SGCG: variants seen among roughly 807,000 people sequenced by gnomAD.
The protein encoded by SGCG is gamma-sarcoglycan.
SGCG carries 26 observed loss-of-function variants against 29.3 expected under a neutral mutation model. The ratio of observed to expected loss-of-function variants is 0.89; its 90% CI spans 0.65 to 1.23. The LOEUF (loss-of-function observed/expected upper bound fraction) is 1.23, where lower values mean the gene tolerates loss of function less well. Ranked by LOEUF, SGCG falls within the 50% of genes most tolerant of loss-of-function variation. SGCG has a pLI of 0.00. For missense variants in SGCG, 353 were observed against 356.0 expected (o/e 0.99, Z 0.07); for synonymous variants, 145 against 129.7 (o/e 1.12, Z -0.80).
At chr13:23,294,741 G>A (rs10467596) in intron 5 of SGCG, among the ~76,000 whole-genome samples, 59,281 of 152,084 alleles carry the variant, frequency 0.39, 12,440 homozygotes, top group Non-Finnish European at 0.46. Context: ...CTCTAGGCAC[G>A]TTAATTAACC....
At position 23,324,901 on chromosome 13, in the gene SGCG, G is replaced by A. The variant is rs1883181238; in HGVS notation, c.*360G>A. On this transcript the variant is annotated 3_prime_UTR_variant, in exon 8 of 8. Transcript: ENST00000218867. ...GAGTTAATGTATGACGCTCCACTGT[G>A]GATATCTAATGCCCTGTTGAGAGTA... 2 of 358,550 alleles carry A rather than the reference G, an allele frequency of 5.6e-6. No homozygotes were observed. Among genetic ancestry groups the A allele is most frequent in the South Asian group, 4.3e-5 (2 of 46,058 alleles). The allele number at this position is 358,550 out of a possible 1,614,324, so 22.2% of individuals were successfully genotyped here.
At chr13:23,258,603 A>G (rs1263560082) in intron 4 of SGCG, among the ~76,000 whole-genome samples, 1 of 152,170 alleles carries the variant, frequency 6.6e-6, no homozygotes, top group Non-Finnish European at 1.5e-5. Flanking sequence ...GAGTGGTGAG[A>G]GAGGGCATCC....
At chr13:23,294,474 A>G (rs1016987691) in intron 5 of SGCG, among the ~76,000 whole-genome samples, 1 of 152,108 alleles carries the variant, frequency 6.6e-6, no homozygotes, top group Admixed American at 6.6e-5. Flanking sequence ...CTCAATCTCC[A>G]TATGTTCATA....
chr13:23,220,811 GAGTT>G (rs1205377426), intron 2 of SGCG, among the ~76,000 whole-genome samples: 10 of 152,162 alleles, frequency 6.6e-5, no homozygotes, highest in African/African-American at 2.4e-4. Flanking sequence ...AAAGGGGAGT[GAGTT>G]AGTCTCTTTG....
At chr13:23,240,839 C>T (rs1000139271) in intron 3 of SGCG, among the ~76,000 whole-genome samples, 6 of 152,098 alleles carry the variant, frequency 3.9e-5, no homozygotes, top group Admixed American at 3.9e-4. Context: ...AAATTTATGG[C>T]ATTAAATGCC....
rs142470459 is a variant in SGCG at position 23,238,708 on chromosome 13, G to A, written c.297+3996G>A. 6.4e-4 allele frequency among the ~76,000 whole-genome samples: 97 copies of A among 152,228 alleles called. 1 individual carries two copies. Among genetic ancestry groups the A allele is most frequent in the African/African-American group, 1.8e-3 (73 of 41,524 alleles). ...TACATTTCATCTGTGCACAAAAGTC[G>A]AGGAAAGCATAATCATGTTAAGGAG... On this transcript the variant is annotated intron_variant, in intron 3 of 7. Transcript: ENST00000218867.
At chr13:23,228,873 CTTTA>C (rs773788054) in intron 2 of SGCG, among the ~76,000 whole-genome samples, 2 of 152,088 alleles carry the variant, frequency 1.3e-5, no homozygotes, top group Admixed American at 6.5e-5. Flanking sequence ...TCTACTGTTT[CTTTA>C]TTTGTTTGTT....
At chr13:23,320,818 C>T in intron 7 of SGCG, 58 bp downstream of exon 7, 1 of 1,540,958 alleles carries the variant, frequency 6.5e-7, no homozygotes, top group Non-Finnish European at 9.0e-7. Flanking sequence ...TCCTGAGTAC[C>T]ATGTCTGTAA....
At chr13:23,191,891 A>T (rs11618905) in intron 1 of SGCG, among the ~76,000 whole-genome samples, 27,935 of 152,162 alleles carry the variant, frequency 0.18, 3,122 homozygotes, top group East Asian at 0.49. Flanking sequence ...AGATGTAAAA[A>T]GAGGGAAGTG....
chr13:23,304,902 T>C (rs1882306307), intron 6 of SGCG, among the ~76,000 whole-genome samples: 1 of 152,222 alleles, frequency 6.6e-6, no homozygotes, highest in Admixed American at 6.5e-5. Context: ...GTGCTGGGAT[T>C]ACAGAGAAGA....
At chr13:23,194,599 G>C (rs1328574237) in intron 1 of SGCG, among the ~76,000 whole-genome samples, 1 of 152,152 alleles carries the variant, frequency 6.6e-6, no homozygotes, top group Non-Finnish European at 1.5e-5. Flanking sequence ...TGATAGCAGA[G>C]GCCAGCTTCT....
intron 6 of SGCG, among the ~76,000 whole-genome samples, chr13:23,298,596 A>G (rs926607021): frequency 6.6e-6 from 1 of 152,222 alleles, no homozygotes; most frequent in Non-Finnish European, 1.5e-5. Context: ...ATTAACATTA[A>G]AGAATTTTTA....
At chr13:23,284,465 A>G (rs1178352479) in intron 5 of SGCG, among the ~76,000 whole-genome samples, 1 of 151,988 alleles carries the variant, frequency 6.6e-6, no homozygotes, top group African/African-American at 2.4e-5. Context: ...CAGGTCATTT[A>G]TGTTCTTCTC....
intron 4 of SGCG, among the ~76,000 whole-genome samples, chr13:23,262,887 G>A (rs1880498961): frequency 6.6e-6 from 1 of 151,954 alleles, no homozygotes; most frequent in East Asian, 1.9e-4. Context: ...GGAAATTACA[G>A]AATCTGCTCC....
At chr13:23,295,620 C>T (rs188144060) in intron 6 of SGCG, 133 bp downstream of exon 6, 43 of 741,076 alleles carry the variant, frequency 5.8e-5, no homozygotes, top group Admixed American at 3.6e-4. Flanking sequence ...CAAGACTTTC[C>T]GCTTATAACT....
intron 2 of SGCG, among the ~76,000 whole-genome samples, chr13:23,207,838 G>T (rs963551888): frequency 6.6e-6 from 1 of 152,078 alleles, no homozygotes; most frequent in Non-Finnish European, 1.5e-5. Context: ...GAACCCTCGT[G>T]CACTGTTGAT....
At chr13:23,203,936 G>A in intron 2 of SGCG, 47 bp downstream of exon 2, 2 of 1,285,018 alleles carry the variant, frequency 1.6e-6, no homozygotes, top group Non-Finnish European at 2.3e-6. Flanking sequence ...TTTGTTCACT[G>A]TATCACTTAG....
chr13:23,321,454 G>A (rs1883039149), intron 7 of SGCG, among the ~76,000 whole-genome samples: 1 of 152,176 alleles, frequency 6.6e-6, no homozygotes, highest in African/African-American at 2.4e-5. Context: ...ATAAAATGAA[G>A]TGATTATGAC....
intron 6 of SGCG, among the ~76,000 whole-genome samples, chr13:23,303,336 C>G (rs1334193778): frequency 6.6e-6 from 1 of 152,214 alleles, no homozygotes; most frequent in Non-Finnish European, 1.5e-5. Context: ...CTCTGGTAAC[C>G]AGGAGAACAC....
Sources: allele counts gnomAD v4.1 joint callset (sites outside exome capture counted in the v4.1 genomes callset), GRCh38; gene constraint gnomAD v4.1.1; transcripts MANE v1.5; gene names NCBI Gene and HGNC (gene_info 2026-07-23, HGNC 2026-07-21).